GUCY1A2: variants seen among roughly 807,000 people sequenced by gnomAD.
The protein encoded by GUCY1A2 is guanylate cyclase 1 soluble subunit alpha 2.
Under a neutral mutation model 63.5 loss-of-function variants are expected in GUCY1A2, and 27 were observed. The ratio of observed to expected loss-of-function variants is 0.43; its 90% confidence interval spans 0.31 to 0.59. The LOEUF (loss-of-function observed/expected upper bound fraction) is 0.59. GUCY1A2 is among the 20% of genes least tolerant of loss of function. GUCY1A2 has a pLI of 0.11. For synonymous variants in GUCY1A2, 364 were observed against 343.5 expected (o/e 1.06, Z -0.66); for missense variants, 768 against 913.3 (o/e 0.84, Z 2.05).
intron 4 of GUCY1A2, among the ~76,000 whole-genome samples, chr11:106,865,907 T>C (rs1387478539): frequency 6.6e-6 from 1 of 151,426 alleles, no homozygotes; most frequent in Non-Finnish European, 1.5e-5. Flanking sequence ...TATAATTATA[T>C]AAAAATGCAT....
intron 4 of GUCY1A2, among the ~76,000 whole-genome samples, chr11:106,816,925 A>C (rs1170614670): frequency 6.6e-6 from 1 of 152,202 alleles, no homozygotes; most frequent in East Asian, 1.9e-4. Context: ...GAATCATTTT[A>C]TAACCATTAA....
At chr11:106,980,303 C>A (rs995794872) in intron 2 of GUCY1A2, among the ~76,000 whole-genome samples, 1 of 152,158 alleles carries the variant, frequency 6.6e-6, no homozygotes, top group African/African-American at 2.4e-5. Context: ...ACTAGCAAGA[C>A]CACGAGAGTG....
At chr11:106,850,786 C>A (rs567865078) in intron 4 of GUCY1A2, among the ~76,000 whole-genome samples, 2 of 151,950 alleles carry the variant, frequency 1.3e-5, no homozygotes, top group East Asian at 3.9e-4. Flanking sequence ...TATTGTAAAT[C>A]GTGCTGTAAT....
intron 6 of GUCY1A2, among the ~76,000 whole-genome samples, chr11:106,758,015 C>G (rs1357699253): frequency 6.6e-6 from 1 of 152,232 alleles, no homozygotes; most frequent in Non-Finnish European, 1.5e-5. Context: ...AATTCCCTGA[C>G]TGGACTGCTG....
At chr11:106,989,103 T>C (rs928475508) in intron 1 of GUCY1A2, among the ~76,000 whole-genome samples, 12 of 152,212 alleles carry the variant, frequency 7.9e-5, no homozygotes, top group African/African-American at 2.9e-4. Context: ...AGACTGTCTA[T>C]CCTCTTCTTT....
At chr11:106,951,426 T>A (rs551017333) in intron 3 of GUCY1A2, among the ~76,000 whole-genome samples, 1 of 152,356 alleles carries the variant, frequency 6.6e-6, no homozygotes, top group Admixed American at 6.5e-5. Context: ...TTTTTAATAA[T>A]CACCATTCTG....
intron 4 of GUCY1A2, among the ~76,000 whole-genome samples, chr11:106,811,585 G>A (rs2135424913): frequency 6.6e-6 from 1 of 151,982 alleles, no homozygotes; most frequent in Admixed American, 6.6e-5. Context: ...GAACAAATAT[G>A]GAATAAACTA....
At chr11:106,923,223 G>A (rs1297390134) in intron 4 of GUCY1A2, among the ~76,000 whole-genome samples, 3 of 152,076 alleles carry the variant, frequency 2.0e-5, no homozygotes, top group Non-Finnish European at 2.9e-5. Context: ...TAATTGTATC[G>A]AATATAATAC....
At chr11:106,902,425 C>T (rs1860146659) in intron 4 of GUCY1A2, among the ~76,000 whole-genome samples, 1 of 152,192 alleles carries the variant, frequency 6.6e-6, no homozygotes, top group African/African-American at 2.4e-5. Context: ...TAGCTCCTAA[C>T]AAGAGAAACC....
At chr11:106,954,291 G>C (rs1860952341) in intron 3 of GUCY1A2, among the ~76,000 whole-genome samples, 1 of 152,158 alleles carries the variant, frequency 6.6e-6, no homozygotes, top group Non-Finnish European at 1.5e-5. Flanking sequence ...TCAGGAACAA[G>C]TTGTTCAATT....
intron 6 of GUCY1A2, among the ~76,000 whole-genome samples, chr11:106,716,819 TAA>T (rs1158910583): frequency 7.1e-6 from 1 of 141,472 alleles, no homozygotes; most frequent in Non-Finnish European, 1.5e-5. Context: ...TCAGGAATTA[TAA>T]GAGAGCTATA....
intron 4 of GUCY1A2, among the ~76,000 whole-genome samples, chr11:106,891,413 G>T: frequency 6.6e-6 from 1 of 151,834 alleles, no homozygotes; most frequent in Non-Finnish European, 1.5e-5. Context: ...TTCACTTTCT[G>T]CCTTTTGATG....
chr11:106,742,320 C>G (rs1565275195), intron 6 of GUCY1A2, among the ~76,000 whole-genome samples: 1 of 152,154 alleles, frequency 6.6e-6, no homozygotes, highest in Non-Finnish European at 1.5e-5. Context: ...AGCTATTCTT[C>G]CTGATGCTCT....
chr11:106,924,594 T>A (rs1860495961), intron 4 of GUCY1A2, among the ~76,000 whole-genome samples: 1 of 152,202 alleles, frequency 6.6e-6, no homozygotes, highest in Non-Finnish European at 1.5e-5. Flanking sequence ...GTATTTCAGT[T>A]TCCTCATCCA....
At chr11:107,012,195 C>T (rs575816121) in intron 1 of GUCY1A2, among the ~76,000 whole-genome samples, 1 of 151,188 alleles carries the variant, frequency 6.6e-6, no homozygotes, top group African/African-American at 2.4e-5. Flanking sequence ...CAAAAAGGGA[C>T]TCCAGTTTTA....
At chr11:106,733,387 T>C (rs911310845) in intron 6 of GUCY1A2, among the ~76,000 whole-genome samples, 13 of 152,132 alleles carry the variant, frequency 8.5e-5, no homozygotes, top group African/African-American at 3.1e-4. Flanking sequence ...GCCAATAATA[T>C]GTTGGTACCA....
At chr11:106,691,256 C>G (rs1451367578) in intron 7 of GUCY1A2, among the ~76,000 whole-genome samples, 2 of 151,982 alleles carry the variant, frequency 1.3e-5, no homozygotes, top group Non-Finnish European at 2.9e-5. Context: ...CTCATTGAAA[C>G]AAATTAGCAA....
intron 4 of GUCY1A2, among the ~76,000 whole-genome samples, chr11:106,910,876 CAT>C (rs1030944963): frequency 6.6e-5 from 10 of 152,016 alleles, no homozygotes; most frequent in African/African-American, 2.2e-4. Context: ...CCCTAGCTAA[CAT>C]AATGACTCTG....
intron 3 of GUCY1A2, among the ~76,000 whole-genome samples, chr11:106,940,595 C>G (rs1860740058): frequency 6.6e-6 from 1 of 152,062 alleles, no homozygotes; most frequent in Non-Finnish European, 1.5e-5. Context: ...TATTATCATC[C>G]AAATTCCATG....
Sources: gnomAD v4.1 joint callset for allele counts (sites outside exome capture counted in the v4.1 genomes callset) on GRCh38, gnomAD v4.1.1 for gene constraint, MANE v1.5 for transcripts, NCBI Gene and HGNC (gene_info 2026-07-23, HGNC 2026-07-21) for gene names.